The following CSMD2 variants were observed in gnomAD, a reference collection of about 807,000 sequenced individuals.
CSMD2 encodes the protein CUB and sushi domain-containing protein 2.
CSMD2 carries 130 observed loss-of-function variants against 398.5 expected under a neutral mutation model. The observed-to-expected ratio is 0.33, with a 90% CI of 0.28 to 0.38. The LOEUF is 0.38. CSMD2 is among the 10% of genes least tolerant of loss of function. The pLI is 1.00. For missense variants in CSMD2, 3,829 were observed against 4,764.9 expected (o/e 0.80, Z 5.78); for synonymous variants, 1,828 against 1,908.5 (o/e 0.96, Z 1.10).
chr1:34,156,017 CT>C (rs1020906880), intron 1 of CSMD2, among the ~76,000 whole-genome samples: 3 of 152,210 alleles, frequency 2.0e-5, no homozygotes, highest in African/African-American at 7.2e-5. Context: ...TTTCTCCTGG[CT>C]GAGGATCTGC....
At chr1:33,866,025 A>G (rs1430360757) in intron 5 of CSMD2, among the ~76,000 whole-genome samples, 1 of 152,228 alleles carries the variant, frequency 6.6e-6, no homozygotes, top group Non-Finnish European at 1.5e-5. Flanking sequence ...TATACATGCA[A>G]CAGATCTCCC....
intron 2 of CSMD2, among the ~76,000 whole-genome samples, chr1:34,080,259 C>G (rs1026657518): frequency 2.6e-5 from 4 of 151,364 alleles, no homozygotes. Flanking sequence ...TATAGGATCA[C>G]AGTATATAAA....
At chr1:34,105,118 T>C (rs901873793) in intron 1 of CSMD2, among the ~76,000 whole-genome samples, 1 of 152,308 alleles carries the variant, frequency 6.6e-6, no homozygotes, top group South Asian at 2.1e-4. Context: ...ATGTTTTTAA[T>C]GAAGATGTGC....
chr1:33,685,333 T>C (rs956641632), intron 25 of CSMD2, among the ~76,000 whole-genome samples: 1 of 152,168 alleles, frequency 6.6e-6, no homozygotes, highest in Non-Finnish European at 1.5e-5. Flanking sequence ...CTTTAGTCCG[T>C]TTTTCTATTT....
Position 33,724,716 on chromosome 1 carries a change from A to G in CSMD2, c.2696-12T>C. On this transcript the variant is annotated splice_polypyrimidine_tract_variant and intron_variant, in intron 17 of 70. Transcript: ENST00000373381. ...CTGCAGTGTTATAGCTGAAAGAGAGAGGCCACAGCTGGGACAGACAGCTTA... is the reference window on the plus strand; with the variant it reads ...CTGCAGTGTTATAGCTGAAAGAGAGGGGCCACAGCTGGGACAGACAGCTTA... 1.2e-6 allele frequency: 2 copies of G among 1,612,408 alleles called. No homozygotes were observed. The highest frequency in any genetic ancestry group is 1.7e-6 in the Non-Finnish European group (2 of 1,178,894).
rs1404762690 is a variant in CSMD2 at position 33,724,507 on chromosome 1, G to T, written c.2884+9C>A. 17 of 1,612,234 alleles carry T rather than the reference G, an allele frequency of 1.1e-5. No individual in the cohort carries two copies. Among genetic ancestry groups the T allele is most frequent in the Non-Finnish European group, 1.4e-5 (16 of 1,178,920 alleles). On this transcript the variant is annotated intron_variant, in intron 18 of 70. Coordinates refer to ENST00000373381, the MANE Select transcript of CSMD2 (RefSeq NM_001281956.2). Reference sequence around the variant, plus strand: ...TGCTACTTTAGCGCCCCCTCATGGTGTCCCTCACCTTCACAACTGGGCAGG... The same window carrying T: ...TGCTACTTTAGCGCCCCCTCATGGTTTCCCTCACCTTCACAACTGGGCAGG...
intron 12 of CSMD2, among the ~76,000 whole-genome samples, chr1:33,773,035 C>T (rs1651495777): frequency 6.6e-6 from 1 of 152,188 alleles, no homozygotes; most frequent in Admixed American, 6.5e-5. Context: ...TGATCCCTTA[C>T]CCCTCCCTAA....
intron 25 of CSMD2, among the ~76,000 whole-genome samples, chr1:33,674,015 G>A (rs1206084133): frequency 6.6e-6 from 1 of 152,180 alleles, no homozygotes; most frequent in Non-Finnish European, 1.5e-5. Flanking sequence ...ATGCCAAATT[G>A]TAAAGACCAT....
intron 28 of CSMD2, among the ~76,000 whole-genome samples, chr1:33,647,259 C>A (rs1643505864): frequency 6.6e-6 from 1 of 152,058 alleles, no homozygotes; most frequent in East Asian, 1.9e-4. Flanking sequence ...AACTATGGTG[C>A]CATTCTCAGG....
At chr1:33,564,219 C>T (rs890670444) in intron 53 of CSMD2, among the ~76,000 whole-genome samples, 2 of 152,170 alleles carry the variant, frequency 1.3e-5, no homozygotes, top group African/African-American at 4.8e-5. Flanking sequence ...CTGCTTTTTA[C>T]AGGTGACAAG....
At chr1:34,077,075 G>T (rs943222604) in intron 2 of CSMD2, among the ~76,000 whole-genome samples, 1 of 150,814 alleles carries the variant, frequency 6.6e-6, no homozygotes, top group African/African-American at 2.4e-5. Flanking sequence ...GGTTAAAGGG[G>T]GCTAGGATTG....
chr1:34,131,847 C>T lies in CSMD2; in HGVS notation c.187+33064G>A, dbSNP rs567631267. Among the ~76,000 whole-genome samples the T allele has an allele frequency of 2.0e-5, 3 of 152,308 alleles. No individual in the cohort carries two copies. The South Asian group carries it at 6.2e-4, about 32-fold the overall frequency. ...GCACAAGCTCACCTCTCAGCCCACACACCCTTTCCCACTGCAATGCAAGGG... is the reference window on the plus strand; with the variant it reads ...GCACAAGCTCACCTCTCAGCCCACATACCCTTTCCCACTGCAATGCAAGGG... On this transcript the variant is annotated intron_variant, in intron 1 of 70. Coordinates refer to ENST00000373381, the MANE Select transcript of CSMD2 (RefSeq NM_001281956.2).
intron 10 of CSMD2, among the ~76,000 whole-genome samples, chr1:33,795,487 T>C (rs1342529895): frequency 6.6e-6 from 1 of 152,202 alleles, no homozygotes; most frequent in African/African-American, 2.4e-5. Flanking sequence ...TGCCCTCCAC[T>C]GCACAGCCTG....
intron 6 of CSMD2, among the ~76,000 whole-genome samples, chr1:33,846,588 A>T (rs1163780978): frequency 6.6e-6 from 1 of 152,204 alleles, no homozygotes; most frequent in African/African-American, 2.4e-5. Flanking sequence ...CTACTTGCCA[A>T]GTGCCTAGCA....
intron 3 of CSMD2, among the ~76,000 whole-genome samples, chr1:33,981,863 A>C (rs959222444): frequency 2.6e-5 from 4 of 152,198 alleles, no homozygotes; most frequent in Non-Finnish European, 5.9e-5. Context: ...CAGGATAAGA[A>C]GCACCCCCAG....
chr1:33,901,031 A>G (rs1380147493), intron 5 of CSMD2, among the ~76,000 whole-genome samples: 2 of 152,312 alleles, frequency 1.3e-5, no homozygotes, highest in East Asian at 1.9e-4. Flanking sequence ...GCTGGGGAGA[A>G]CCACGTGTAG....
At chr1:33,868,578 A>C (rs1350877038) in intron 5 of CSMD2, among the ~76,000 whole-genome samples, 4 of 152,104 alleles carry the variant, frequency 2.6e-5, no homozygotes, top group Non-Finnish European at 5.9e-5. Context: ...TCTACTAAAA[A>C]TACAAAAATT....
chr1:33,869,342 T>A (rs1640280839), intron 5 of CSMD2: 1 of 152,248 alleles, frequency 6.6e-6, no homozygotes, highest in Middle Eastern at 3.1e-3. Flanking sequence ...CACTTGGTAT[T>A]CCTTGGAGCA....
intron 41 of CSMD2, among the ~76,000 whole-genome samples, chr1:33,609,231 C>T (rs1381302874): frequency 1.3e-5 from 2 of 152,142 alleles, no homozygotes; most frequent in South Asian, 4.1e-4. Flanking sequence ...GACCCCGGAA[C>T]CCTGAAGTCT....
Sources: allele counts gnomAD v4.1 joint callset (sites outside exome capture counted in the v4.1 genomes callset), GRCh38; gene constraint gnomAD v4.1.1; transcripts MANE v1.5; gene names NCBI Gene and HGNC (gene_info 2026-07-23, HGNC 2026-07-21).